The following PGCKA1 variants were observed in gnomAD, a reference collection of about 807,000 sequenced individuals.
The protein encoded by PGCKA1 is PDCD10 and GCKIII kinases associated 1.
chr4:37,471,869 G>A, the PGCKA1 span, among the ~76,000 whole-genome samples: 10 of 152,128 alleles, frequency 6.6e-5, no homozygotes, highest in African/African-American at 2.4e-4. Flanking sequence ...CAAGAAACCT[G>A]GTTTCTAGCT....
chr4:37,591,688 G>A, the PGCKA1 span: 1 of 152,174 alleles, frequency 6.6e-6, no homozygotes, highest in African/African-American at 2.4e-5. Flanking sequence ...CTTTGGGATT[G>A]GGGAGGCTGG....
At chr4:37,514,403 G>T in the PGCKA1 span, among the ~76,000 whole-genome samples, 9 of 151,870 alleles carry the variant, frequency 5.9e-5, no homozygotes, top group African/African-American at 2.2e-4. Context: ...TTAACTCAAG[G>T]TATTTATTTT....
the PGCKA1 span, among the ~76,000 whole-genome samples, chr4:37,464,910 A>G: frequency 3.3e-5 from 5 of 152,246 alleles, no homozygotes; most frequent in Non-Finnish European, 5.9e-5. Flanking sequence ...AGGAAGCAAC[A>G]GTGGAGTTCA....
chr4:37,530,403 C>T, the PGCKA1 span, among the ~76,000 whole-genome samples: 3 of 151,088 alleles, frequency 2.0e-5, no homozygotes, highest in African/African-American at 7.3e-5. Flanking sequence ...GAAACCCTGT[C>T]TCTACCAAAA....
the PGCKA1 span, among the ~76,000 whole-genome samples, chr4:37,520,973 C>A: frequency 6.6e-6 from 1 of 152,128 alleles, no homozygotes; most frequent in Non-Finnish European, 1.5e-5. Context: ...GTTAGTCTGG[C>A]TAAAGGTTTG....
chr4:37,579,052 C>T, the PGCKA1 span, among the ~76,000 whole-genome samples: 49 of 152,078 alleles, frequency 3.2e-4, no homozygotes, highest in African/African-American at 9.9e-4. Flanking sequence ...AGCAAAACTC[C>T]GTCTCAAAAC....
chr4:37,543,044 C>G, the PGCKA1 span, among the ~76,000 whole-genome samples: 31 of 152,304 alleles, frequency 2.0e-4, no homozygotes, highest in African/African-American at 7.0e-4. Flanking sequence ...ATGACTTTCT[C>G]TTATGACTAG....
the PGCKA1 span, chr4:37,590,014 A>G: frequency 2.9e-6 from 3 of 1,052,442 alleles, no homozygotes; most frequent in South Asian, 4.6e-5. Context: ...GGAATCGTAG[A>G]AAGAAGCAGG....
the PGCKA1 span, among the ~76,000 whole-genome samples, chr4:37,509,091 A>G: frequency 0.017 from 2,561 of 149,154 alleles, 79 homozygotes; most frequent in African/African-American, 0.06. Flanking sequence ...CTACACAGAC[A>G]CAGCAACAAT....
At chr4:37,505,666 C>T in the PGCKA1 span, among the ~76,000 whole-genome samples, 1 of 152,158 alleles carries the variant, frequency 6.6e-6, no homozygotes, top group African/African-American at 2.4e-5. Context: ...ATATTACCAT[C>T]AGATCTCATG....
chr4:37,463,743 C>T, the PGCKA1 span, among the ~76,000 whole-genome samples: 12 of 151,714 alleles, frequency 7.9e-5, no homozygotes, highest in Non-Finnish European at 1.6e-4. Flanking sequence ...TCTTAATACC[C>T]TCTGCCTTTG....
At chr4:37,455,732 C>A in the PGCKA1 span, among the ~76,000 whole-genome samples, 1 of 152,194 alleles carries the variant, frequency 6.6e-6, no homozygotes, top group African/African-American at 2.4e-5. Flanking sequence ...CCACCCAGAC[C>A]CTCTCTGAGC....
At chr4:37,530,269 A>G in the PGCKA1 span, among the ~76,000 whole-genome samples, 87 of 152,258 alleles carry the variant, frequency 5.7e-4, no homozygotes, top group African/African-American at 2.0e-3. Context: ...TTTTCCAAGA[A>G]GAGGTGAAAA....
At chr4:37,526,750 A>G in the PGCKA1 span, among the ~76,000 whole-genome samples, 1 of 152,238 alleles carries the variant, frequency 6.6e-6, no homozygotes, top group African/African-American at 2.4e-5. Context: ...AGTATAGCAC[A>G]TACAATCATG....
At chr4:37,523,649 A>G in the PGCKA1 span, among the ~76,000 whole-genome samples, 6 of 152,146 alleles carry the variant, frequency 3.9e-5, 1 homozygote, top group African/African-American at 1.4e-4. Context: ...GTAATCAGAA[A>G]TTACACCATC....
chr4:37,538,170 G>T, the PGCKA1 span, among the ~76,000 whole-genome samples: 1 of 152,160 alleles, frequency 6.6e-6, no homozygotes, highest in Non-Finnish European at 1.5e-5. Context: ...ATCCAGTGAA[G>T]AGTCTTATGG....
At chr4:37,509,723 G>A in the PGCKA1 span, among the ~76,000 whole-genome samples, 1 of 151,454 alleles carries the variant, frequency 6.6e-6, no homozygotes, top group South Asian at 2.1e-4. Flanking sequence ...CACTTCGCGA[G>A]GCCGAGGCTG....
chr4:37,468,508 C>A, the PGCKA1 span, among the ~76,000 whole-genome samples: 6 of 152,204 alleles, frequency 3.9e-5, no homozygotes, highest in Admixed American at 3.9e-4. Flanking sequence ...TCTTCTCCTC[C>A]CCTGAAGCTA....
chr4:37,534,405 C>A, the PGCKA1 span, among the ~76,000 whole-genome samples: 7 of 152,236 alleles, frequency 4.6e-5, no homozygotes, highest in African/African-American at 1.7e-4. Context: ...TTAATCTGAC[C>A]AGACTGTCTT....
Sources: gnomAD v4.1 joint callset for allele counts (sites outside exome capture counted in the v4.1 genomes callset) on GRCh38, gnomAD v4.1.1 for gene constraint, MANE v1.5 for transcripts, NCBI Gene and HGNC (gene_info 2026-07-23, HGNC 2026-07-21) for gene names.